PCDH19: variants seen among roughly 807,000 people sequenced by gnomAD.
The protein encoded by PCDH19 is protocadherin-19.
A neutral mutation model predicts 46.2 loss-of-function variants in PCDH19; 6 were observed. The ratio of observed to expected loss-of-function variants is 0.13; its 90% CI spans 0.07 to 0.26. The LOEUF (loss-of-function observed/expected upper bound fraction) is 0.26. PCDH19 is among the 10% of genes least tolerant of loss of function. The pLI is 1.00. For missense variants in PCDH19, 740 were observed against 972.3 expected, an observed-to-expected ratio of 0.76 and a Z score of 3.18; for synonymous variants, 481 against 415.7, an observed-to-expected ratio of 1.16 and a Z score of -1.91.
At chrX:100,323,860 G>A (rs1925596878) in intron 5 of PCDH19, among the ~76,000 whole-genome samples, 1 of 111,755 alleles carries the variant, frequency 8.9e-6, no homozygotes, top group African/African-American at 3.3e-5. Context: ...ATAGAATTAG[G>A]CTGAGGTGAA....
At chrX:100,301,513 C>T (rs1188146171) in intron 5 of PCDH19, among the ~76,000 whole-genome samples, 1 of 112,150 alleles carries the variant, frequency 8.9e-6, no homozygotes, top group African/African-American at 3.2e-5. Context: ...AAGTAGTTGG[C>T]TACTTCTAAG....
At chrX:100,376,763 A>T (rs1326329193) in intron 3 of PCDH19, among the ~76,000 whole-genome samples, 1 of 112,152 alleles carries the variant, frequency 8.9e-6, no homozygotes. Flanking sequence ...CATCTGGAAC[A>T]GTGCCTGGCA....
chrX:100,393,493 T>TACAC lies in PCDH19; in HGVS notation c.2616+9030_2616+9031insGTGT, dbSNP rs1191391184. Among the ~76,000 whole-genome samples, 7 of 25,343 alleles carry TACAC rather than the reference T, an allele frequency of 2.8e-4. No homozygotes were observed. The East Asian group carries it at 0.013, about 47-fold the overall frequency. 22.0% of individuals were successfully genotyped at this position (25,343 alleles called of 115,157 possible). ...TCCCTCTCCCACACATACACATACA[T>TACAC]ACATACACACACACACACACACACA... On this transcript the variant is annotated intron_variant, in intron 3 of 5. Coordinates refer to ENST00000373034, the MANE Select transcript of PCDH19 (RefSeq NM_001184880.2).
At chrX:100,304,811 A>G (rs1317607707) in intron 5 of PCDH19, among the ~76,000 whole-genome samples, 1 of 112,496 alleles carries the variant, frequency 8.9e-6, no homozygotes, top group Admixed American at 9.4e-5. Context: ...ATTGAACAAA[A>G]GAAGAAAGAA....
chrX:100,407,894 T>C lies in PCDH19; in HGVS notation c.704A>G (p.Asn235Ser), dbSNP rs1928438267. 1 of 1,211,631 alleles carries C rather than the reference T, an allele frequency of 8.3e-7. No individual in the cohort carries two copies. Among genetic ancestry groups the C allele is most frequent in the Non-Finnish European group, 1.1e-6 (1 of 895,465 alleles). Residue 235 changes from asparagine (N) to serine (S), a missense_variant, in exon 1 of 6, where the codon AAC becomes AGC. Around this residue, in one of 5 missense-constraint regions of PCDH19, gnomAD observed 186 missense variants for 319.9 expected, o/e 0.58. Coordinates refer to ENST00000373034, the MANE Select transcript of PCDH19 (RefSeq NM_001184880.2). The part of the protein sequence containing the change: ...SIKVTDSNDN[N>S]PVFSESTYAV... ...GTAGGTGGACTCGCTAAACACCGGGTTGTTGTCATTGGAGTCGGTCACCTT... is the reference window on the plus strand; with the variant it reads ...GTAGGTGGACTCGCTAAACACCGGGCTGTTGTCATTGGAGTCGGTCACCTT...
intron 5 of PCDH19, among the ~76,000 whole-genome samples, chrX:100,323,429 C>A (rs944452184): frequency 1.4e-4 from 16 of 111,869 alleles, no homozygotes; most frequent in African/African-American, 4.9e-4. Flanking sequence ...GAAAGCAGAA[C>A]AATGCCCTGA....
intron 3 of PCDH19, among the ~76,000 whole-genome samples, chrX:100,374,426 T>C (rs2147511210): frequency 8.9e-6 from 1 of 112,140 alleles, no homozygotes; most frequent in Admixed American, 9.5e-5. Context: ...TGTTTGCCAT[T>C]ATGCTATTAA....
intron 3 of PCDH19, among the ~76,000 whole-genome samples, chrX:100,352,924 G>A (rs1464633071): frequency 8.9e-6 from 1 of 112,230 alleles, no homozygotes; most frequent in Non-Finnish European, 1.9e-5. Flanking sequence ...TTAAAACCCG[G>A]AATTGATTAA....
intron 5 of PCDH19, among the ~76,000 whole-genome samples, chrX:100,306,704 T>C (rs1370983572): frequency 1.9e-5 from 2 of 107,342 alleles, no homozygotes; most frequent in African/African-American, 6.8e-5. Context: ...CCAAATAAGC[T>C]CAATCAGAAA....
chrX:100,352,974 T>A (rs964047112), intron 3 of PCDH19, among the ~76,000 whole-genome samples: 1 of 112,480 alleles, frequency 8.9e-6, no homozygotes, highest in Non-Finnish European at 1.9e-5. Flanking sequence ...TCTGCGATCT[T>A]GGGCAAATTA....
At chrX:100,367,129 C>T (rs1230577953) in intron 3 of PCDH19, among the ~76,000 whole-genome samples, 1 of 112,631 alleles carries the variant, frequency 8.9e-6, no homozygotes, top group Admixed American at 9.4e-5. Flanking sequence ...GCCTCATGCT[C>T]CCTAGCTGTC....
chrX:100,312,104 T>TGAGAGAGA lies in PCDH19; in HGVS notation c.2849-15237_2849-15230dup, dbSNP rs5903157. On this transcript the variant is annotated intron_variant, in intron 5 of 5. Coordinates refer to ENST00000373034, the MANE Select transcript of PCDH19 (RefSeq NM_001184880.2). ...TTAGAAATCTTTTTTCCTAAAACAT[T>TGAGAGAGA]GAGAGAGAGAGAGAGAGAAGAGAGA... 8.7e-5 allele frequency among the ~76,000 whole-genome samples: 9 copies of TGAGAGAGA among 103,660 alleles called. No homozygotes were observed. In the East Asian group the frequency reaches 2.5e-3, roughly 29 times the overall value. The allele number at this position is 103,660 out of a possible 115,157, so 90.0% of individuals were successfully genotyped here. A position where few individuals can be genotyped will look rare whatever the true frequency, so the allele number is the denominator to read the frequency against.
At chrX:100,375,179 C>T (rs959129380) in intron 3 of PCDH19, among the ~76,000 whole-genome samples, 2 of 111,618 alleles carry the variant, frequency 1.8e-5, no homozygotes, top group African/African-American at 3.3e-5. Context: ...GTGCAGGTTA[C>T]ATATGTATAC....
chrX:100,348,065 C>CAAAAAAAAAAAAAAAAAAAA (rs1177957771), intron 4 of PCDH19, among the ~76,000 whole-genome samples: 3 of 40,610 alleles, frequency 7.4e-5, no homozygotes, highest in Non-Finnish European at 8.3e-5. Context: ...GATTCCGTCT[C>CAAAAAAAAAAAAAAAAAAAA]AAAAAAAAAA....
At chrX:100,401,752 T>A (rs149775617) in intron 3 of PCDH19, among the ~76,000 whole-genome samples, 1,366 of 108,305 alleles carry the variant, frequency 0.013, 24 homozygotes, top group African/African-American at 0.043. Context: ...TTATTCTTAC[T>A]CTTTTTTTTT....
intron 4 of PCDH19, among the ~76,000 whole-genome samples, chrX:100,347,575 A>C (rs1236328814): frequency 8.9e-6 from 1 of 111,845 alleles, no homozygotes; most frequent in African/African-American, 3.3e-5. Flanking sequence ...CTGATGAAGG[A>C]AAGAACCAGA....
chrX:100,357,189 G>A (rs1194835654), intron 3 of PCDH19, among the ~76,000 whole-genome samples: 2 of 111,571 alleles, frequency 1.8e-5, no homozygotes, highest in Non-Finnish European at 3.8e-5. Context: ...CTATGTACCT[G>A]CAGATACAGG....
In PCDH19 at chrX:100,292,424, TA is replaced by T. The variant is rs1343427315; in HGVS notation, c.*3852del. The T allele has an allele frequency of 8.9e-6, 1 of 112,713 alleles. No individual in the cohort carries two copies. The highest frequency in any genetic ancestry group is 1.9e-5 in the Non-Finnish European group (1 of 53,316). 9.3% of individuals were successfully genotyped at this position (112,713 alleles called of 1,213,427 possible). Reference sequence around the variant, plus strand: ...CCAATCTATGTATCAGACAAGGTGGTAAATTTTCTTTGTTTCACAAAAGCAA... The same window carrying T: ...CCAATCTATGTATCAGACAAGGTGGTAATTTTCTTTGTTTCACAAAAGCAA... On this transcript the variant is annotated 3_prime_UTR_variant, in exon 6 of 6. Transcript: ENST00000373034.
Position 100,407,840 on chromosome X carries a change from G to T in PCDH19, c.758C>A (p.Pro253His), listed in dbSNP as rs767015140. Reference sequence around the variant, plus strand: ...GTTGAGGCGGATGACGGGTGTGTTGGGAGGCGAGTTTTCTGGCACGCTCAC... The same window carrying T: ...GTTGAGGCGGATGACGGGTGTGTTGTGAGGCGAGTTTTCTGGCACGCTCAC... ...YAVSVPENSP[P>H]NTPVIRLNAS... The change falls in exon 1 of 6, where the codon CCC (proline) becomes CAC (histidine). Residue 253 changes from proline (P) to histidine (H), a missense_variant. Physicochemically the swap from Pro to His is moderately conservative, Grantham distance 77. Transcript: ENST00000373034. 2.5e-6 allele frequency: 3 copies of T among 1,211,134 alleles called. No homozygotes were observed. In the African/African-American group the frequency reaches 5.2e-5, roughly 21 times the overall value.
Sources: allele counts gnomAD v4.1 joint callset (sites outside exome capture counted in the v4.1 genomes callset), GRCh38; gene constraint gnomAD v4.1.1; regional missense constraint gnomAD v4.1.1; transcripts MANE v1.5; gene names NCBI Gene and HGNC (gene_info 2026-07-23, HGNC 2026-07-21).